TAS2R38: variants seen among roughly 807,000 people sequenced by gnomAD.
TAS2R38 encodes taste 2 receptor member 38, also known as taste receptor type 2 member 38.
TAS2R38 carries 11 observed loss-of-function variants against 16.4 expected under a neutral mutation model. The ratio of observed to expected loss-of-function variants is 0.67; its 90% confidence interval spans 0.42 to 1.11. The LOEUF is 1.11. Among genes scored for constraint, TAS2R38 ranks in the 50% least tolerant of loss-of-function variants. TAS2R38 has a pLI of 0.00. For missense variants in TAS2R38, 364 were observed against 395.8 expected (o/e 0.92, Z 0.68); for synonymous variants, 149 against 155.6 (o/e 0.96, Z 0.32).
rs1554444458 is a variant in TAS2R38, at chr7:141,973,661, A to T, written c.29T>A (p.Val10Glu). 1 of 1,614,064 alleles carries T rather than the reference A, an allele frequency of 6.2e-7. No homozygotes were observed. Among genetic ancestry groups the T allele is most frequent in the Admixed American group, 1.7e-5 (1 of 60,018 alleles). MLTLTRIRT[V>E]SYEVRSTFLF... ...AAATGTACTCCTGACTTCATAGGACACAGTGCGGATGCGAGTTAGAGTCAA... is the reference window on the plus strand; with the variant it reads ...AAATGTACTCCTGACTTCATAGGACTCAGTGCGGATGCGAGTTAGAGTCAA... The change falls in exon 1 of 1, where the codon GTG becomes GAG. Residue 10 changes from valine to glutamate, a missense_variant. Val to Glu is a moderately radical substitution (Grantham distance 121). Transcript: ENST00000547270.
chr7:141,973,373 T>C lies in TAS2R38; in HGVS notation c.317A>G (p.Asn106Ser), dbSNP rs782768453. The change falls in exon 1 of 1, where the codon AAC becomes AGC. Residue 106 changes from asparagine (N) to serine (S), a missense_variant. Coordinates refer to ENST00000547270, the MANE Select transcript of TAS2R38 (RefSeq NM_176817.5). ...IMLWMIANQA[N>S]LWLAACLSLL... is the part of the protein sequence containing the mutation. ...GCTGAGGCAGGCAGCAAGCCAGAGG[T>C]TGGCTTGGTTTGCAATCATCCATAG... 9.3e-6 allele frequency: 15 copies of C among 1,613,520 alleles called. No homozygotes were observed. Among genetic ancestry groups the C allele is most frequent in the African/African-American group, 8.0e-5 (6 of 74,746 alleles).
Position 141,973,649 on chromosome 7 carries a change from A to T in TAS2R38, c.41T>A (p.Val14Asp). 6.2e-7 allele frequency: 1 copy of T among 1,614,082 alleles called. No homozygotes were observed. Among genetic ancestry groups the T allele is most frequent in the Non-Finnish European group, 8.5e-7 (1 of 1,179,996 alleles). ...LTRIRTVSYEVRSTFLFISVL... is the reference protein window; with the variant it reads ...LTRIRTVSYEDRSTFLFISVL... ...TGAAATGAACAGAAATGTACTCCTG[A>T]CTTCATAGGACACAGTGCGGATGCG... The change falls in exon 1 of 1, where the codon GTC becomes GAC. Residue 14 changes from valine (V) to aspartate (D), a missense_variant. Physicochemically the swap from Val to Asp is radical, Grantham distance 152. Transcript: ENST00000547270.
Position 141,973,388 on chromosome 7 carries a change from A to G in TAS2R38, c.302T>C (p.Ile101Thr). The part of the protein sequence containing the change: ...SYQAIIMLWM[I>T]ANQANLWLAA... ...AAGCCAGAGGTTGGCTTGGTTTGCAATCATCCATAGCATGATGATGGCTTG... is the reference window on the plus strand; with the variant it reads ...AAGCCAGAGGTTGGCTTGGTTTGCAGTCATCCATAGCATGATGATGGCTTG... Residue 101 changes from isoleucine to threonine, a missense_variant, in exon 1 of 1, where the codon ATT becomes ACT. Coordinates refer to ENST00000547270, the MANE Select transcript of TAS2R38 (RefSeq NM_176817.5). 2 of 1,614,114 alleles carry G rather than the reference A, an allele frequency of 1.2e-6. No individual in the cohort carries two copies. The highest frequency in any genetic ancestry group is 1.7e-6 in the Non-Finnish European group (2 of 1,180,002).
chr7:141,973,081 C>A lies in TAS2R38; in HGVS notation c.609G>T (p.Val203=), dbSNP rs782694569. The change falls in exon 1 of 1, where the codon GTG becomes GTT. Residue 203 remains valine, a synonymous_variant. Coordinates refer to ENST00000547270, the MANE Select transcript of TAS2R38 (RefSeq NM_176817.5). ...YSFLFCYLWS[V]PPFLLFLVSS... ...AAACCAGAAACAATAGGAAAGGAGG[C>A]ACAGACCACAGATAGCAGAAGAGAA... The A allele has an allele frequency of 5.6e-6, 9 of 1,614,010 alleles. No individual in the cohort carries two copies. Among genetic ancestry groups the A allele is most frequent in the Non-Finnish European group, 7.6e-6 (9 of 1,180,022 alleles).
Position 141,972,897 on chromosome 7 carries a change from T to G in TAS2R38, c.793A>C (p.Ile265Leu). Reference protein sequence around the residue: ...FFVISSCAAFISVPLLILWRD... With the variant: ...FFVISSCAAFLSVPLLILWRD... ...CACAGAATCAGTAGGGGCACAGAGA[T>G]GAAGGCAGCACAGGATGATATCACA... Residue 265 changes from isoleucine to leucine, a missense_variant, in exon 1 of 1, where the codon ATC (isoleucine) becomes CTC (leucine). Physicochemically the swap from Ile to Leu is conservative, Grantham distance 5. Transcript: ENST00000547270. 6.2e-7 allele frequency: 1 copy of G among 1,613,952 alleles called. No individual in the cohort carries two copies. The highest frequency in any genetic ancestry group is 2.2e-5 in the East Asian group (1 of 44,860).
Position 141,973,287 on chromosome 7 carries a change from A to G in TAS2R38, c.403T>C (p.Trp135Arg). The G allele has an allele frequency of 1.2e-6, 2 of 1,613,920 alleles. No homozygotes were observed. Among genetic ancestry groups the G allele is most frequent in the South Asian group, 1.1e-5 (1 of 91,066 alleles). The part of the protein sequence containing the change: ...SHTFLICLAS[W>R]VSRKISQMLL... ...ATCTGGGAGATCTTCCTGGAGACCC[A>G]GCTTGCCAAGCAGATCAGGAAGGTG... is the stretch of plus-strand genomic sequence containing the variant. The change falls in exon 1 of 1, where the codon TGG (tryptophan) becomes CGG (arginine). Residue 135 changes from tryptophan (W) to arginine (R), a missense_variant. Coordinates refer to ENST00000547270, the MANE Select transcript of TAS2R38 (RefSeq NM_176817.5).
chr7:141,973,048 C>A lies in TAS2R38; in HGVS notation c.642G>T (p.Gly214=). Residue 214 remains glycine (G), a synonymous_variant, in exon 1 of 1, where the codon GGG becomes GGT. Transcript: ENST00000547270. ...PPFLLFLVSS[G]MLTVSLGRHM... Reference sequence around the variant, plus strand: ...GCCTTCCCAGGGAGACAGTCAGCATCCCAGAAGAAACCAGAAACAATAGGA... The same window carrying A: ...GCCTTCCCAGGGAGACAGTCAGCATACCAGAAGAAACCAGAAACAATAGGA... 2 of 1,613,968 alleles carry A rather than the reference C, an allele frequency of 1.2e-6. No individual in the cohort carries two copies. The highest frequency in any genetic ancestry group is 1.7e-6 in the Non-Finnish European group (2 of 1,180,014).
In TAS2R38 at chr7:141,973,654, A is replaced by C; in HGVS notation, c.36T>G (p.Tyr12Ter). ...LTLTRIRTVS[Y>*]EVRSTFLFIS... ...TGAACAGAAATGTACTCCTGACTTCATAGGACACAGTGCGGATGCGAGTTA... is the reference window on the plus strand; with the variant it reads ...TGAACAGAAATGTACTCCTGACTTCCTAGGACACAGTGCGGATGCGAGTTA... The change falls in exon 1 of 1, where the codon TAT becomes TAG. Residue 12 changes from tyrosine (Y) to a stop codon, truncating the protein, a stop_gained. Transcript: ENST00000547270. LOFTEE classifies it high-confidence loss of function. 1 of 1,614,140 alleles carries C rather than the reference A, an allele frequency of 6.2e-7. No individual in the cohort carries two copies. Among genetic ancestry groups the C allele is most frequent in the Middle Eastern group, 1.6e-4 (1 of 6,062 alleles).
rs1554444352 is a variant in TAS2R38, at chr7:141,972,906, C to A, written c.784G>T (p.Ala262Ser). ...FFCFFVISSC[A>S]AFISVPLLIL... The stretch of plus-strand genomic sequence containing the variant: ...AGTAGGGGCACAGAGATGAAGGCAG[C>A]ACAGGATGATATCACAAAGAAGCAG... The change falls in exon 1 of 1, where the codon GCT becomes TCT. Residue 262 changes from alanine to serine, a missense_variant. Physicochemically the swap from Ala to Ser is moderately conservative, Grantham distance 99. Coordinates refer to ENST00000547270, the MANE Select transcript of TAS2R38 (RefSeq NM_176817.5). The A allele has an allele frequency of 6.2e-7, 1 of 1,614,022 alleles. No individual in the cohort carries two copies.
Position 141,973,372 on chromosome 7 carries a change from G to T in TAS2R38, c.318C>A (p.Asn106Lys). 2 of 1,614,028 alleles carry T rather than the reference G, an allele frequency of 1.2e-6. No homozygotes were observed. Among genetic ancestry groups the T allele is most frequent in the East Asian group, 2.2e-5 (1 of 44,850 alleles). The part of the protein sequence containing the change: ...IMLWMIANQA[N>K]LWLAACLSLL... ...GGCTGAGGCAGGCAGCAAGCCAGAG[G>T]TTGGCTTGGTTTGCAATCATCCATA... The change falls in exon 1 of 1, where the codon AAC becomes AAA. Residue 106 changes from asparagine (N) to lysine (K), a missense_variant. By Grantham distance (94) the Asn-to-Lys change is moderately conservative. Coordinates refer to ENST00000547270, the MANE Select transcript of TAS2R38 (RefSeq NM_176817.5).
chr7:141,973,528 A>G lies in TAS2R38; in HGVS notation c.162T>C (p.Asp54=). The change falls in exon 1 of 1, where the codon GAT becomes GAC. Residue 54 remains aspartate, a synonymous_variant. Transcript: ENST00000547270. ...VVKRQALSNS[D]CVLLCLSISR... The stretch of plus-strand genomic sequence containing the variant: ...TGATGCTGAGACACAGCAGCACACA[A>G]TCACTGTTGCTCAGTGCCTGCCTCT... 1.2e-6 allele frequency: 2 copies of G among 1,614,106 alleles called. No individual in the cohort carries two copies. Among genetic ancestry groups the G allele is most frequent in the Non-Finnish European group, 1.7e-6 (2 of 1,180,024 alleles).
Position 141,973,418 on chromosome 7 carries a change from C to T in TAS2R38, c.272G>A (p.Ser91Asn). 6.2e-7 allele frequency: 1 copy of T among 1,614,106 alleles called. No individual in the cohort carries two copies. The highest frequency in any genetic ancestry group is 8.5e-7 in the Non-Finnish European group (1 of 1,180,004). ...FQKLSEPLNH[S>N]YQAIIMLWMI... ...CCATAGCATGATGATGGCTTGGTAG[C>T]TGTGGTTCAGTGGTTCACTCAACTT... The change falls in exon 1 of 1, where the codon AGC (serine) becomes AAC (asparagine). Residue 91 changes from serine (S) to asparagine (N), a missense_variant. Coordinates refer to ENST00000547270, the MANE Select transcript of TAS2R38 (RefSeq NM_176817.5).
Position 141,973,267 on chromosome 7 carries a change from G to T in TAS2R38, c.423C>A (p.Ser141=). Reference sequence around the variant, plus strand: ...AAAGAATAATACCCAGGAGCATCTGGGAGATCTTCCTGGAGACCCAGCTTG... The same window carrying T: ...AAAGAATAATACCCAGGAGCATCTGTGAGATCTTCCTGGAGACCCAGCTTG... ...CLASWVSRKI[S]QMLLGIILCS... The change falls in exon 1 of 1, where the codon TCC becomes TCA. Residue 141 remains serine, a synonymous_variant. Transcript: ENST00000547270. 6.2e-7 allele frequency: 1 copy of T among 1,613,932 alleles called. No individual in the cohort carries two copies. The highest frequency in any genetic ancestry group is 1.1e-5 in the South Asian group (1 of 91,064).
rs782761275 is a variant in TAS2R38 at position 141,973,338 on chromosome 7, A to G, written c.352T>C (p.Cys118Arg). 2 of 1,614,060 alleles carry G rather than the reference A, an allele frequency of 1.2e-6. No homozygotes were observed. Among genetic ancestry groups the G allele is most frequent in the South Asian group, 1.1e-5 (1 of 91,076 alleles). The change falls in exon 1 of 1, where the codon TGC (cysteine) becomes CGC (arginine). Residue 118 changes from cysteine to arginine, a missense_variant. Transcript: ENST00000547270. The stretch of plus-strand genomic sequence containing the variant: ...TGAGAGAAACGGATGAGCTTGGAGC[A>G]GTAAAGCAGGCTGAGGCAGGCAGCA... ...WLAACLSLLY[C>R]SKLIRFSHTF...
In TAS2R38 at chr7:141,972,939, A is replaced by T; in HGVS notation, c.751T>A (p.Ser251Thr). 6.2e-7 allele frequency: 1 copy of T among 1,614,098 alleles called. No homozygotes were observed. Residue 251 changes from serine to threonine, a missense_variant, in exon 1 of 1, where the codon TCC (serine) becomes ACC (threonine). Physicochemically the swap from Ser to Thr is moderately conservative, Grantham distance 58 (BLOSUM62 1). Coordinates refer to ENST00000547270, the MANE Select transcript of TAS2R38 (RefSeq NM_176817.5). ...AHIKALKSLV[S>T]FFCFFVISSC... Reference sequence around the variant, plus strand: ...GATATCACAAAGAAGCAGAAAAAGGAGACAAGAGACTTGAGGGCTTTAATG... The same window carrying T: ...GATATCACAAAGAAGCAGAAAAAGGTGACAAGAGACTTGAGGGCTTTAATG...
Position 141,972,996 on chromosome 7 carries a change from T to C in TAS2R38, c.694A>G (p.Arg232Gly), listed in dbSNP as rs1317269803. Residue 232 changes from arginine (R) to glycine (G), a missense_variant, in exon 1 of 1, where the codon AGA (arginine) becomes GGA (glycine). Physicochemically the swap from Arg to Gly is moderately radical, Grantham distance 125. Coordinates refer to ENST00000547270, the MANE Select transcript of TAS2R38 (RefSeq NM_176817.5). ...TCCAGGCTGGGGTCACGAGAGTTTC[T>C]GGTATAGACCTTCATTGTCCTCATG... Reference protein sequence around the residue: ...RHMRTMKVYTRNSRDPSLEAH... With the variant: ...RHMRTMKVYTGNSRDPSLEAH... 1.3e-5 allele frequency: 21 copies of C among 1,614,034 alleles called. No individual in the cohort carries two copies. Among genetic ancestry groups the C allele is most frequent in the Non-Finnish European group, 1.8e-5 (21 of 1,180,036 alleles).
rs1362726351 is a variant in TAS2R38 at position 141,972,672 on chromosome 7, C to T, written c.*16G>A. 2 of 1,583,812 alleles carry T rather than the reference C, an allele frequency of 1.3e-6. No homozygotes were observed. Among genetic ancestry groups the T allele is most frequent in the African/African-American group, 1.4e-5 (1 of 73,978 alleles). On this transcript the variant is annotated 3_prime_UTR_variant, in exon 1 of 1. Transcript: ENST00000547270. ...CTCACAGGCGTATTAATGAAGAGCT[C>T]ATTTCATGTCCATTCTCAGCACAGT... is the stretch of plus-strand genomic sequence containing the variant.
In TAS2R38 at chr7:141,972,812, T is replaced by G. The variant is rs970064070; in HGVS notation, c.878A>C (p.His293Pro). ...VGIMAACPSG[H>P]AAILISGNAK... is the part of the protein sequence containing the mutation. ...ATTGCCTGAGATCAGGATGGCTGCA[T>G]GCCCAGAGGGACAAGCTGCCATTAT... Residue 293 changes from histidine to proline, a missense_variant, in exon 1 of 1, where the codon CAT (histidine) becomes CCT (proline). By Grantham distance (77) the His-to-Pro change is moderately conservative. Transcript: ENST00000547270. 7 of 1,613,970 alleles carry G rather than the reference T, an allele frequency of 4.3e-6. No homozygotes were observed. The African/African-American group carries it at 9.3e-5, about 22-fold the overall frequency.
chr7:141,972,986 C>A lies in TAS2R38; in HGVS notation c.704G>T (p.Arg235Leu). ...RTMKVYTRNSRDPSLEAHIKA... is the reference protein window; with the variant it reads ...RTMKVYTRNSLDPSLEAHIKA... ...AATGTGGGCCTCCAGGCTGGGGTCACGAGAGTTTCTGGTATAGACCTTCAT... is the reference window on the plus strand; with the variant it reads ...AATGTGGGCCTCCAGGCTGGGGTCAAGAGAGTTTCTGGTATAGACCTTCAT... The change falls in exon 1 of 1, where the codon CGT (arginine) becomes CTT (leucine). Residue 235 changes from arginine (R) to leucine (L), a missense_variant. Transcript: ENST00000547270. The A allele has an allele frequency of 6.2e-7, 1 of 1,614,018 alleles. No individual in the cohort carries two copies.
Sources: allele counts gnomAD v4.1 joint callset, GRCh38; gene constraint gnomAD v4.1.1; transcripts MANE v1.5; gene names NCBI Gene and HGNC (gene_info 2026-07-23, HGNC 2026-07-21).